Variants in ATP10D observed in about 807,000 individuals in gnomAD.
ATP10D encodes the protein ATPase phospholipid transporting 10D (putative).
ATP10D carries 89 observed loss-of-function variants against 144.8 expected under a neutral mutation model. That is an observed-to-expected ratio of 0.61 (90% CI 0.52 to 0.73). ATP10D has a LOEUF of 0.73. Ranked by LOEUF, ATP10D falls within the 30% of genes least tolerant of loss-of-function variation. The probability of loss-of-function intolerance (pLI) is 0.00; values close to 1 mark genes in which losing one functional copy is unlikely to be tolerated. For synonymous variants in ATP10D, 571 were observed against 615.1 expected, an observed-to-expected ratio of 0.93 and a Z score of 1.06; for missense variants, 1,603 against 1,714.8, an observed-to-expected ratio of 0.93 and a Z score of 1.15.
chr4:47,493,208 T>C (rs1350855820), intron 1 of ATP10D, among the ~76,000 whole-genome samples: 1 of 152,196 alleles, frequency 6.6e-6, no homozygotes, highest in African/African-American at 2.4e-5. Flanking sequence ...TAAACAATAA[T>C]ATATACATCA....
chr4:47,540,481 A>G (rs551758185), intron 9 of ATP10D, among the ~76,000 whole-genome samples: 38 of 152,320 alleles, frequency 2.5e-4, no homozygotes, highest in Admixed American at 4.6e-4. Flanking sequence ...GGTGATTAAT[A>G]TGCATATTAA....
At position 47,537,017 on chromosome 4, in the gene ATP10D, A is replaced by G. The variant is rs910063993; in HGVS notation, c.1396+79A>G. ...CCACTTAAGTGTTGGATGTCTGACAATTCTGACATAGAAGTGGTTTATTTA... is the reference window on the plus strand; with the variant it reads ...CCACTTAAGTGTTGGATGTCTGACAGTTCTGACATAGAAGTGGTTTATTTA... On this transcript the variant is annotated intron_variant, in intron 9 of 22. Transcript: ENST00000273859. 6 of 1,466,560 alleles carry G rather than the reference A, an allele frequency of 4.1e-6. No individual in the cohort carries two copies. In the African/African-American group the frequency reaches 5.7e-5, roughly 14 times the overall value. The allele number at this position is 1,466,560 out of a possible 1,614,324, so 90.8% of individuals were successfully genotyped here. A position where few individuals can be genotyped will look rare whatever the true frequency, so the allele number is the denominator to read the frequency against.
At chr4:47,563,807 A>C (rs1401700848) in intron 15 of ATP10D, 42 bp downstream of exon 15, 1 of 1,463,338 alleles carries the variant, frequency 6.8e-7, no homozygotes, top group South Asian at 1.5e-5. Context: ...GTATTTTCAA[A>C]GGCATTGGAA....
rs1019889991 is a variant in ATP10D at position 47,572,928 on chromosome 4, T to C, written c.3297T>C (p.Leu1099=). The change falls in exon 18 of 23, where the codon CTT becomes CTC. Residue 1099 remains leucine, a synonymous_variant. Coordinates refer to ENST00000273859, the MANE Select transcript of ATP10D (RefSeq NM_020453.4). ...VSQFKHLSKL[L]LVHGHWCYTR... Reference sequence around the variant, plus strand: ...AGTTCAAACATCTCAGCAAGCTCCTTCTTGTCCATGGACACTGGTGTTATA... The same window carrying C: ...AGTTCAAACATCTCAGCAAGCTCCTCCTTGTCCATGGACACTGGTGTTATA... 13 of 1,613,980 alleles carry C rather than the reference T, an allele frequency of 8.1e-6. No homozygotes were observed. The African/African-American group carries it at 1.2e-4, about 15-fold the overall frequency.
chr4:47,546,984 G>A, intron 10 of ATP10D, 122 bp downstream of exon 10: 2 of 860,186 alleles, frequency 2.3e-6, no homozygotes, highest in Non-Finnish European at 3.6e-6. Context: ...CTACATGATT[G>A]CAGCTCAGCA....
chr4:47,553,774 A>C (rs1357575865), intron 10 of ATP10D, among the ~76,000 whole-genome samples: 1 of 152,236 alleles, frequency 6.6e-6, no homozygotes, highest in Non-Finnish European at 1.5e-5. Flanking sequence ...ACTTTTAAGC[A>C]TAAGTGCAAA....
chr4:47,496,156 C>CTTTTTTTT (rs5858072), intron 1 of ATP10D, among the ~76,000 whole-genome samples: 63 of 132,864 alleles, frequency 4.7e-4, no homozygotes, highest in Non-Finnish European at 6.2e-4. Context: ...TTTCCTTTTT[C>CTTTTTTTT]TTTTTTTTTT....
rs761505728 is a variant in ATP10D, at chr4:47,546,748, G to A, written c.1521G>A (p.Gly507=). ...RAPSCRTVHN[G]PLGNKPSNHL... ...CCAGCTGCAGGACAGTTCATAATGG[G>A]CCTTTGGGAAATAAGCCCTCAAATC... Residue 507 remains glycine, a synonymous_variant, in exon 10 of 23, where the codon GGG becomes GGA. Coordinates refer to ENST00000273859, the MANE Select transcript of ATP10D (RefSeq NM_020453.4). The A allele has an allele frequency of 9.9e-6, 16 of 1,614,100 alleles. No homozygotes were observed. Among genetic ancestry groups the A allele is most frequent in the Non-Finnish European group, 1.2e-5 (14 of 1,179,988 alleles).
Position 47,576,970 on chromosome 4 carries a change from A to G in ATP10D, c.3564A>G (p.Ser1188=). ...LPELYRSGQK[S]EAYLPHTFWI... ...AACTTTACAGAAGTGGTCAGAAATC[A>G]GAGGTAGGTGTTAAAGCAAGAGTGC... The change falls in exon 19 of 23, where the codon TCA becomes TCG. Residue 1188 remains serine, a synonymous_variant. Coordinates refer to ENST00000273859, the MANE Select transcript of ATP10D (RefSeq NM_020453.4). 6.2e-7 allele frequency: 1 copy of G among 1,614,120 alleles called. No individual in the cohort carries two copies. The highest frequency in any genetic ancestry group is 1.6e-4 in the Middle Eastern group (1 of 6,062).
In ATP10D at chr4:47,576,872, A is replaced by G. The variant is rs768910963; in HGVS notation, c.3466A>G (p.Thr1156Ala). 2.5e-6 allele frequency: 4 copies of G among 1,614,090 alleles called. No homozygotes were observed. The highest frequency in any genetic ancestry group is 3.4e-6 in the Non-Finnish European group (4 of 1,180,010). ...TTTGATCTTCTTCAACCTCCTCTTC[A>G]CATCTGCCCCTCCTGTCATTTATGG... ...WVLIFFNLLF[T>A]SAPPVIYGVL... Residue 1156 changes from threonine (T) to alanine (A), a missense_variant, in exon 19 of 23, where the codon ACA becomes GCA. By Grantham distance (58) the Thr-to-Ala change is moderately conservative (BLOSUM62 0). Transcript: ENST00000273859.
At position 47,487,232 on chromosome 4, in the gene ATP10D, A is replaced by C. The variant is rs866210122; in HGVS notation, c.-38+1713A>C. On this transcript the variant is annotated intron_variant, in intron 1 of 22. Transcript: ENST00000273859. ...CAACAAGAGCAAAACTCCGTCCCCC[A>C]AAAAAAAAAAAAAAAAAATAGAATC... is the stretch of plus-strand genomic sequence containing the variant. 7.3e-3 allele frequency among the ~76,000 whole-genome samples: 1,069 copies of C among 146,470 alleles called. 12 individuals carry two copies. Among genetic ancestry groups the C allele is most frequent in the African/African-American group, 0.025 (1,003 of 39,986 alleles).
At chr4:47,545,961 A>G (rs747203933) in intron 9 of ATP10D, among the ~76,000 whole-genome samples, 1 of 152,180 alleles carries the variant, frequency 6.6e-6, no homozygotes, top group Admixed American at 6.5e-5. Context: ...GCAGCTCTCC[A>G]GTATTTGAGG....
intron 1 of ATP10D, among the ~76,000 whole-genome samples, chr4:47,493,015 A>G (rs537435102): frequency 6.6e-6 from 1 of 152,282 alleles, no homozygotes; most frequent in South Asian, 2.1e-4. Context: ...CAGGGGCTAA[A>G]TTCTTTCCAT....
At chr4:47,569,796 G>GT in intron 16 of ATP10D, among the ~76,000 whole-genome samples, 1 of 152,304 alleles carries the variant, frequency 6.6e-6, no homozygotes, top group East Asian at 1.9e-4. Flanking sequence ...AAGGTTGACT[G>GT]TGAGCAGAGA....
At chr4:47,507,606 A>G (rs769443491) in intron 1 of ATP10D, among the ~76,000 whole-genome samples, 1 of 152,236 alleles carries the variant, frequency 6.6e-6, no homozygotes, top group Admixed American at 6.5e-5. Flanking sequence ...AGGAAATGGG[A>G]TGTCTTTATG....
At chr4:47,548,422 C>T (rs1047592455) in intron 10 of ATP10D, among the ~76,000 whole-genome samples, 1 of 152,152 alleles carries the variant, frequency 6.6e-6, no homozygotes, top group South Asian at 2.1e-4. Flanking sequence ...CTGTTTACAC[C>T]GTCCCTCCGT....
At chr4:47,503,940 T>TAAA (rs766068879) in intron 1 of ATP10D, among the ~76,000 whole-genome samples, 4 of 151,904 alleles carry the variant, frequency 2.6e-5, no homozygotes, top group Non-Finnish European at 4.4e-5. Context: ...TAAAATAAAA[T>TAAA]TAAGTACTTT....
At chr4:47,588,348 C>G (rs6858092) in intron 22 of ATP10D, among the ~76,000 whole-genome samples, 118,903 of 152,164 alleles carry the variant, frequency 0.78, 46,672 homozygotes, top group African/African-American at 0.83. Context: ...ATAAATGAGA[C>G]TCATAATGGT....
intron 18 of ATP10D, among the ~76,000 whole-genome samples, chr4:47,574,782 G>T (rs1482297688): frequency 6.6e-6 from 1 of 151,814 alleles, no homozygotes; most frequent in African/African-American, 2.4e-5. Context: ...ACACTTTACA[G>T]ATCATGACTA....
Sources: allele counts gnomAD v4.1 joint callset (sites outside exome capture counted in the v4.1 genomes callset), GRCh38; gene constraint gnomAD v4.1.1; transcripts MANE v1.5; gene names NCBI Gene and HGNC (gene_info 2026-07-23, HGNC 2026-07-21).